The following YIF1B variants were observed in gnomAD, a reference collection of about 807,000 sequenced individuals.
The protein encoded by YIF1B is Yip1 interacting factor homolog B, membrane trafficking protein.
YIF1B carries 24 observed loss-of-function variants against 34.6 expected under a neutral mutation model. That is an observed-to-expected ratio of 0.69 (90% confidence interval 0.50 to 0.98). The LOEUF is 0.98. YIF1B is among the 50% of genes least tolerant of loss of function. The pLI, the probability that YIF1B is intolerant of heterozygous loss-of-function variation, is 0.00. For synonymous variants in YIF1B, 186 were observed against 184.8 expected (o/e 1.01, Z -0.05); for missense variants, 368 against 429.4 (o/e 0.86, Z 1.26).
chr19:38,312,349 C>G (rs11669230), intron 1 of YIF1B, among the ~76,000 whole-genome samples: 23,043 of 148,388 alleles, frequency 0.16, 1,924 homozygotes, highest in South Asian at 0.22. Context: ...CCTGGGATGT[C>G]AAGGCTGCAG....
At chr19:38,313,101 G>C (rs1024555255) in intron 1 of YIF1B, among the ~76,000 whole-genome samples, 8 of 151,346 alleles carry the variant, frequency 5.3e-5, no homozygotes, top group Admixed American at 5.3e-4. Flanking sequence ...ATAGGCGCAC[G>C]CCACCAAGCC....
At chr19:38,316,043 C>T (rs1000814974), upstream of YIF1B, 13 of 1,299,916 alleles carry the variant, frequency 1.0e-5, no homozygotes, top group African/African-American at 1.9e-4. Context: ...CCCACCCCCC[C>T]GACCCCTCCA....
At position 38,305,054 on chromosome 19, in the gene YIF1B, G is replaced by C; in HGVS notation, c.*298C>G. ...TACTCTGGCCCGTCCCCAGCTCCCT[G>C]CCCCCTGCCCAGCGCTGGGCCCGCC... is the stretch of plus-strand genomic sequence containing the variant. On this transcript the variant is annotated 3_prime_UTR_variant, in exon 8 of 8. Coordinates refer to ENST00000339413, the MANE Select transcript of YIF1B (RefSeq NM_001039672.3). The C allele has an allele frequency of 6.5e-7, 1 of 1,534,382 alleles. No individual in the cohort carries two copies. The highest frequency in any genetic ancestry group is 8.8e-7 in the Non-Finnish European group (1 of 1,138,142).
intron 5 of YIF1B, among the ~76,000 whole-genome samples, 185 bp downstream of exon 5, chr19:38,308,607 T>C (rs1295359423): frequency 1.3e-5 from 2 of 151,656 alleles, no homozygotes; most frequent in Non-Finnish European, 2.9e-5. Context: ...TGCATGTGGG[T>C]AGGAAGGACA....
intron 7 of YIF1B, among the ~76,000 whole-genome samples, chr19:38,305,781 G>A (rs936347690): frequency 6.6e-6 from 1 of 152,216 alleles, no homozygotes; most frequent in Admixed American, 6.5e-5. Context: ...GCGGGTGAAG[G>A]GGGACTTCCC....
Position 38,303,843 on chromosome 19 carries a change from G to A in YIF1B, c.*1509C>T, listed in dbSNP as rs1275129057. 2.6e-5 allele frequency among the ~76,000 whole-genome samples: 4 copies of A among 152,228 alleles called. No individual in the cohort carries two copies. The East Asian group carries it at 7.7e-4, about 29-fold the overall frequency. ...ACCAAGCCGGAGGGGCTGTGGGAGC[G>A]AGTTAGAACACGGGACGCCCCTGGC... On this transcript the variant is annotated 3_prime_UTR_variant, in exon 8 of 8. Transcript: ENST00000339413.
rs373099303 is a variant in YIF1B at position 38,309,084 on chromosome 19, C to T, written c.403-27G>A. ...TGCGGGGATGGGGAGACGGGCAGGACCCTCAGAGCCAGGCCCCTCCCACCC... is the reference window on the plus strand; with the variant it reads ...TGCGGGGATGGGGAGACGGGCAGGATCCTCAGAGCCAGGCCCCTCCCACCC... On this transcript the variant is annotated intron_variant, in intron 3 of 7. Coordinates refer to ENST00000339413, the MANE Select transcript of YIF1B (RefSeq NM_001039672.3). The T allele has an allele frequency of 1.5e-5, 24 of 1,553,426 alleles. No homozygotes were observed. The African/African-American group carries it at 3.1e-4, about 20-fold the overall frequency.
chr19:38,308,451 G>C (rs1036247937), intron 5 of YIF1B, among the ~76,000 whole-genome samples: 1 of 152,124 alleles, frequency 6.6e-6, no homozygotes, highest in African/African-American at 2.4e-5. Context: ...CCGCACCTCA[G>C]ACAGGACCAT....
chr19:38,317,704 C>T (rs768144326), upstream of YIF1B, among the ~76,000 whole-genome samples: 3 of 151,924 alleles, frequency 2.0e-5, no homozygotes, highest in Non-Finnish European at 4.4e-5. Context: ...TTCAGCCTCC[C>T]GATAGCTGAG....
chr19:38,317,150 A>T (rs1969577432), upstream of YIF1B: 1 of 152,312 alleles, frequency 6.6e-6, no homozygotes, highest in Non-Finnish European at 1.5e-5. Flanking sequence ...ACACAGGCGC[A>T]CCTGCAAGTG....
intron 7 of YIF1B, chr19:38,307,134 C>G (rs1369092379): frequency 2.0e-5 from 10 of 509,700 alleles, no homozygotes; most frequent in Non-Finnish European, 3.4e-5. Flanking sequence ...GAAATTCTGG[C>G]AGGAAGGCTC....
upstream of YIF1B, among the ~76,000 whole-genome samples, chr19:38,316,701 A>G (rs1161167652): frequency 6.6e-6 from 1 of 152,084 alleles, no homozygotes; most frequent in Non-Finnish European, 1.5e-5. Flanking sequence ...GTAAATATTT[A>G]TTTATTTTGA....
At chr19:38,309,373 T>G in intron 2 of YIF1B, 32 bp downstream of exon 2, 3 of 1,612,226 alleles carry the variant, frequency 1.9e-6, no homozygotes, top group Non-Finnish European at 2.5e-6. Context: ...GCCCCGTGCA[T>G]CCCCCCACTC....
intron 2 of YIF1B, 31 bp downstream of exon 2, chr19:38,309,374 C>A: frequency 6.2e-7 from 1 of 1,612,496 alleles, no homozygotes; most frequent in South Asian, 1.1e-5. Flanking sequence ...CCCCGTGCAT[C>A]CCCCCACTCC....
chr19:38,319,839 T>A, upstream of YIF1B: 1 of 1,087,524 alleles, frequency 9.2e-7, no homozygotes, highest in Non-Finnish European at 1.2e-6. Context: ...TCTTGGGGCA[T>A]CTGCTGCCGC....
rs772219415 is a variant in YIF1B, at chr19:38,308,813, A to C, written c.518T>G (p.Leu173Arg). ...TTACCTATCCTGGGTCCCCAGCGCA[A>C]GACCAGCCACCAAAACGTAGGTGAT... Reference protein sequence around the residue: ...AFITYVLVAGLALGTQDRFSP... With the variant: ...AFITYVLVAGRALGTQDRFSP... The change falls in exon 5 of 8, where the codon CTT (leucine) becomes CGT (arginine). Residue 173 changes from leucine (L) to arginine (R), a missense_variant. This residue lies in a region of YIF1B where 208 missense variants were observed against 247.8 expected (regional missense o/e 0.84). Transcript: ENST00000339413. 4 of 1,613,940 alleles carry C rather than the reference A, an allele frequency of 2.5e-6. No homozygotes were observed. Among genetic ancestry groups the C allele is most frequent in the Non-Finnish European group, 3.4e-6 (4 of 1,179,918 alleles).
rs3816044 is a variant in YIF1B at position 38,304,110 on chromosome 19, G to A, written c.*1242C>T. On this transcript the variant is annotated 3_prime_UTR_variant, in exon 8 of 8. Coordinates refer to ENST00000339413, the MANE Select transcript of YIF1B (RefSeq NM_001039672.3). Reference sequence around the variant, plus strand: ...CACAGAGGAAATCCTGGGTGGTGCCGGGCAATGAGTCAGGGCTGAGGACCA... The same window carrying A: ...CACAGAGGAAATCCTGGGTGGTGCCAGGCAATGAGTCAGGGCTGAGGACCA... The A allele has an allele frequency of 0.16, 137,222 of 884,824 alleles. 11,366 individuals are homozygous for A. The highest frequency in any genetic ancestry group is 0.22 in the Admixed American group (8,025 of 36,516). 54.8% of individuals were successfully genotyped at this position (884,824 alleles called of 1,614,324 possible).
intron 1 of YIF1B, 78 bp from the exon 2 acceptor site, chr19:38,309,721 A>AT: frequency 6.6e-7 from 1 of 1,507,502 alleles, no homozygotes; most frequent in Non-Finnish European, 8.8e-7. Flanking sequence ...TTCATCCCAC[A>AT]GCTCTGCCTC....
upstream of YIF1B, chr19:38,319,816 T>A (rs918132449): frequency 1.5e-5 from 14 of 929,412 alleles, no homozygotes; most frequent in African/African-American, 2.3e-4. Context: ...CCACCTCCCC[T>A]TTTTCCTCTT....
Sources: allele counts gnomAD v4.1 joint callset (sites outside exome capture counted in the v4.1 genomes callset), GRCh38; gene constraint gnomAD v4.1.1; regional missense constraint gnomAD v4.1.1; transcripts MANE v1.5; gene names NCBI Gene and HGNC (gene_info 2026-07-23, HGNC 2026-07-21).